Variants in AQP3 observed in about 807,000 individuals in gnomAD.
AQP3 encodes the protein aquaporin-3.
AQP3 carries 15 observed loss-of-function variants against 30.3 expected under a neutral mutation model. The observed-to-expected ratio is 0.49, with a 90% CI of 0.33 to 0.76. The LOEUF (loss-of-function observed/expected upper bound fraction) is 0.76, where lower values mean the gene tolerates loss of function less well. Ranked by LOEUF, AQP3 falls within the 30% of genes least tolerant of loss-of-function variation. The pLI is 0.02. For synonymous variants in AQP3, 153 were observed against 163.2 expected, an observed-to-expected ratio of 0.94 and a Z score of 0.47; for missense variants, 272 against 384.8, an observed-to-expected ratio of 0.71 and a Z score of 2.45.
Position 33,443,661 on chromosome 9 carries a change from G to A in AQP3, c.235+105C>T. On this transcript the variant is annotated intron_variant, in intron 2 of 5. Transcript: ENST00000297991. The surrounding 1 kb of genome is among the most constrained non-coding windows in gnomAD (Gnocchi z 5.0). ...TTCTTCTCCACCCTCCTTTCCCAAG[G>A]GGCCAAAGCAGAGGCCACAGCTGTG... 6.4e-7 allele frequency: 1 copy of A among 1,566,470 alleles called. No homozygotes were observed. Among genetic ancestry groups the A allele is most frequent in the South Asian group, 1.1e-5 (1 of 88,228 alleles).
intron 1 of AQP3, among the ~76,000 whole-genome samples, chr9:33,445,664 G>C (rs1826903869): frequency 6.6e-6 from 1 of 152,102 alleles, no homozygotes; most frequent in Admixed American, 6.6e-5. Flanking sequence ...CACCACCTTG[G>C]GGCTAATCTT....
intron 1 of AQP3, among the ~76,000 whole-genome samples, 200 bp from the exon 2 acceptor site, chr9:33,444,092 C>T (rs1826882148): frequency 6.6e-6 from 1 of 152,202 alleles, no homozygotes; most frequent in Non-Finnish European, 1.5e-5. Context: ...TGTCCCAACT[C>T]TAATATGAGA....
intron 1 of AQP3, among the ~76,000 whole-genome samples, chr9:33,446,231 C>T (rs1826912012): frequency 6.6e-6 from 1 of 152,182 alleles, no homozygotes; most frequent in African/African-American, 2.4e-5. Context: ...CTAGGGCTGG[C>T]TGATAGGACG....
intron 1 of AQP3, among the ~76,000 whole-genome samples, chr9:33,444,557 G>A (rs1320626079): frequency 2.7e-5 from 4 of 149,214 alleles, no homozygotes; most frequent in Non-Finnish European, 5.9e-5. Flanking sequence ...CCAAGATTGC[G>A]CCACTGCACT....
chr9:33,443,141 T>C lies in AQP3; in HGVS notation c.374-171A>G. ...TGGGGTGGAGGGCCTGAGACTCTGT[T>C]ATTGCCCAACTTGTTTCTTTCCCTT... On this transcript the variant is annotated intron_variant, in intron 3 of 5. Coordinates refer to ENST00000297991, the MANE Select transcript of AQP3 (RefSeq NM_004925.5). The surrounding 1 kb of genome is among the most constrained non-coding windows in gnomAD (Gnocchi z 5.0). The C allele has an allele frequency of 2.7e-6, 3 of 1,125,458 alleles. No homozygotes were observed. Among genetic ancestry groups the C allele is most frequent in the Non-Finnish European group, 3.9e-6 (3 of 772,224 alleles). The allele number at this position is 1,125,458 out of a possible 1,614,324, so 69.7% of individuals were successfully genotyped here. A position where few individuals can be genotyped will look rare whatever the true frequency, so the allele number is the denominator to read the frequency against.
chr9:33,442,095 T>C lies in AQP3; in HGVS notation c.827A>G (p.Asn276Ser). ...GCHLEQPPPS[N>S]EEENVKLAHV... ...GGCCAGCTTCACATTCTCTTCCTCG[T>C]TGGAGGGTGGGGGCTGCTCCAGGTG... The change falls in exon 6 of 6, where the codon AAC becomes AGC. Residue 276 changes from asparagine (N) to serine (S), a missense_variant. Coordinates refer to ENST00000297991, the MANE Select transcript of AQP3 (RefSeq NM_004925.5). 1 of 1,613,892 alleles carries C rather than the reference T, an allele frequency of 6.2e-7. No individual in the cohort carries two copies. Among genetic ancestry groups the C allele is most frequent in the Non-Finnish European group, 8.5e-7 (1 of 1,180,018 alleles).
Position 33,443,185 on chromosome 9 carries a change from C to T in AQP3, c.373+136G>A. ...TTCCCTTCGTGCCCCCTACCTTGAC[C>T]CTGTGCGTGAATGAGTGAGTCATGA... On this transcript the variant is annotated intron_variant, in intron 3 of 5. Transcript: ENST00000297991. This position sits in a 1 kb window ranked among gnomAD's most constrained non-coding sequence, Gnocchi z 5.0. The T allele has an allele frequency of 1.5e-6, 2 of 1,355,182 alleles. No individual in the cohort carries two copies. Among genetic ancestry groups the T allele is most frequent in the Non-Finnish European group, 2.1e-6 (2 of 974,220 alleles). The allele number at this position is 1,355,182 out of a possible 1,614,324, so 83.9% of individuals were successfully genotyped here. A position where few individuals can be genotyped will look rare whatever the true frequency, so the allele number is the denominator to read the frequency against.
chr9:33,443,242 T>TGGG lies in AQP3; in HGVS notation c.373+78_373+79insCCC. On this transcript the variant is annotated intron_variant, in intron 3 of 5. Coordinates refer to ENST00000297991, the MANE Select transcript of AQP3 (RefSeq NM_004925.5). This position sits in a 1 kb window ranked among gnomAD's most constrained non-coding sequence, Gnocchi z 5.0. ...GGCCTGGGCAGGTCCTAGCCGTCTG[T>TGGG]CATCAAAAGGCCTGGTGCCAGCAGG... The TGGG allele has an allele frequency of 6.5e-7, 1 of 1,538,492 alleles. No homozygotes were observed.
chr9:33,442,759 C>T (rs1329083774), intron 4 of AQP3, 93 bp downstream of exon 4: 2 of 1,288,226 alleles, frequency 1.6e-6, no homozygotes, highest in East Asian at 2.3e-5. Flanking sequence ...AACCCTGCTA[C>T]AGTCGAGGAG....
intron 4 of AQP3, 154 bp from the exon 5 acceptor site, chr9:33,442,672 A>G (rs1826855679): frequency 4.6e-6 from 5 of 1,088,182 alleles, no homozygotes; most frequent in Non-Finnish European, 6.9e-6. Context: ...CTGCGTGACA[A>G]GAACCCGCTG....
chr9:33,446,395 A>G (rs779257866), intron 1 of AQP3, among the ~76,000 whole-genome samples: 1 of 152,150 alleles, frequency 6.6e-6, no homozygotes, highest in African/African-American at 2.4e-5. Flanking sequence ...TAGGCTTCCT[A>G]GTCCACAGTG....
Position 33,442,459 on chromosome 9 carries a change from G to A in AQP3, c.552C>T (p.Asn184=), listed in dbSNP as rs948228926. ...CVLAIVDPYN[N]PVPRGLEAFT... is the part of the protein sequence containing the mutation. ...AGGCCTCCAGGCCTCGGGGGACGGGGTTGTTGTAGGGGTCAACAATGGCCA... is the reference window on the plus strand; with the variant it reads ...AGGCCTCCAGGCCTCGGGGGACGGGATTGTTGTAGGGGTCAACAATGGCCA... The change falls in exon 5 of 6, where the codon AAC becomes AAT. Residue 184 remains asparagine, a synonymous_variant. Coordinates refer to ENST00000297991, the MANE Select transcript of AQP3 (RefSeq NM_004925.5). The A allele has an allele frequency of 3.1e-6, 5 of 1,611,526 alleles. No individual in the cohort carries two copies. Among genetic ancestry groups the A allele is most frequent in the Non-Finnish European group, 4.2e-6 (5 of 1,179,344 alleles).
chr9:33,444,679 G>A (rs1470268400), intron 1 of AQP3, among the ~76,000 whole-genome samples: 1 of 151,952 alleles, frequency 6.6e-6, no homozygotes, highest in Non-Finnish European at 1.5e-5. Flanking sequence ...AAATAAATAG[G>A]GAGGAGACCA....
At position 33,443,712 on chromosome 9, in the gene AQP3, C is replaced by T. The variant is rs1232348038; in HGVS notation, c.235+54G>A. The T allele has an allele frequency of 1.2e-6, 2 of 1,612,354 alleles. No homozygotes were observed. Among genetic ancestry groups the T allele is most frequent in the East Asian group, 2.2e-5 (1 of 44,876 alleles). The stretch of plus-strand genomic sequence containing the variant: ...ACCTGCCCTTAGGAATGCCAGGACA[C>T]CTAGTGGGAATGCTATTGAGGGCCA... On this transcript the variant is annotated intron_variant, in intron 2 of 5. Transcript: ENST00000297991. This position sits in a 1 kb window ranked among gnomAD's most constrained non-coding sequence, Gnocchi z 5.0.
chr9:33,442,761 G>T, intron 4 of AQP3, 91 bp downstream of exon 4: 1 of 1,304,714 alleles, frequency 7.7e-7, no homozygotes. Flanking sequence ...CCCTGCTACA[G>T]TCGAGGAGTC....
rs777633399 is a variant in AQP3 at position 33,442,911 on chromosome 9, C to T, written c.433G>A (p.Gly145Ser). The T allele has an allele frequency of 1.2e-5, 20 of 1,614,044 alleles. No individual in the cohort carries two copies. The highest frequency in any genetic ancestry group is 5.3e-5 in the African/African-American group (4 of 74,914). The part of the protein sequence containing the change: ...LFVSGPNGTA[G>S]IFATYPSGHL... Reference sequence around the variant, plus strand: ...CCAGAGGGGTAGGTAGCAAAGATGCCGGCTGTGCCATTGGGGCCCGAAACA... The same window carrying T: ...CCAGAGGGGTAGGTAGCAAAGATGCTGGCTGTGCCATTGGGGCCCGAAACA... Residue 145 changes from glycine (G) to serine (S), a missense_variant, in exon 4 of 6, where the codon GGC becomes AGC. Physicochemically the swap from Gly to Ser is moderately conservative, Grantham distance 56. This residue lies in a region of AQP3 where 170 missense variants were observed against 286.4 expected (regional missense o/e 0.59). Transcript: ENST00000297991.
Position 33,443,277 on chromosome 9 carries a change from G to C in AQP3, c.373+44C>G. ...GCCTGGTGCCAGCAGGTCCTGAACA[G>C]AGGGACGGGGGTAGTGGAGGAGGAC... On this transcript the variant is annotated intron_variant, in intron 3 of 5. Coordinates refer to ENST00000297991, the MANE Select transcript of AQP3 (RefSeq NM_004925.5). The surrounding 1 kb of genome is among the most constrained non-coding windows in gnomAD (Gnocchi z 5.0). 6.4e-7 allele frequency: 1 copy of C among 1,561,090 alleles called. No individual in the cohort carries two copies. The highest frequency in any genetic ancestry group is 1.9e-5 in the Admixed American group (1 of 52,058).
intron 4 of AQP3, 165 bp from the exon 5 acceptor site, chr9:33,442,683 G>T: frequency 9.4e-7 from 1 of 1,060,226 alleles, no homozygotes; most frequent in Non-Finnish European, 1.4e-6. Flanking sequence ...GAACCCGCTG[G>T]AGAGCCGCAT....
rs559160241 is a variant in AQP3 at position 33,443,612 on chromosome 9, A to G, written c.235+154T>C. ...TGATAATCTCTGATTCCAAGGTGAG[A>G]GTCGAAAGTTCTAAGTGTCAAGTTT... is the stretch of plus-strand genomic sequence containing the variant. On this transcript the variant is annotated intron_variant, in intron 2 of 5. Transcript: ENST00000297991. The surrounding 1 kb of genome is among the most constrained non-coding windows in gnomAD (Gnocchi z 5.0). 8.2e-6 allele frequency: 12 copies of G among 1,456,498 alleles called. No individual in the cohort carries two copies. The African/African-American group carries it at 1.4e-4, about 17-fold the overall frequency. The allele number at this position is 1,456,498 out of a possible 1,614,324, so 90.2% of individuals were successfully genotyped here.
Sources: gnomAD v4.1 joint callset for allele counts (sites outside exome capture counted in the v4.1 genomes callset) on GRCh38, gnomAD v4.1.1 for gene constraint, gnomAD v4.1.1 regional missense constraint, Gnocchi (gnomAD v3.1) non-coding constraint, MANE v1.5 for transcripts, NCBI Gene and HGNC (gene_info 2026-07-23, HGNC 2026-07-21) for gene names.